The following ZC3H12B variants were observed in gnomAD, a reference collection of about 807,000 sequenced individuals.
ZC3H12B encodes the protein probable ribonuclease ZC3H12B.
A neutral mutation model predicts 43.9 loss-of-function variants in ZC3H12B; 7 were observed. The observed-to-expected ratio is 0.16, with a 90% confidence interval of 0.09 to 0.30. The LOEUF is 0.30. Ranked by LOEUF, ZC3H12B falls within the 10% of genes least tolerant of loss-of-function variation. The pLI is 1.00. For synonymous variants in ZC3H12B, 222 were observed against 241.7 expected, an observed-to-expected ratio of 0.92 and a Z score of 0.76; for missense variants, 475 against 670.2, an observed-to-expected ratio of 0.71 and a Z score of 3.22.
At chrX:65,345,753 A>G in the ZC3H12B span, among the ~76,000 whole-genome samples, 1 of 112,240 alleles carries the variant, frequency 8.9e-6, no homozygotes, top group African/African-American at 3.2e-5. Flanking sequence ...ATCTCTTAGA[A>G]CTGATAAATG....
At chrX:65,325,141 C>T in the ZC3H12B span, among the ~76,000 whole-genome samples, 1 of 110,869 alleles carries the variant, frequency 9.0e-6, no homozygotes, top group Non-Finnish European at 1.9e-5. Context: ...GCATGGAATA[C>T]CTTTTTCTAT....
At chrX:65,132,461 AAGG>A in the ZC3H12B span, among the ~76,000 whole-genome samples, 2 of 109,833 alleles carry the variant, frequency 1.8e-5, no homozygotes, top group East Asian at 5.8e-4. Context: ...GGTCGGCACT[AAGG>A]AGGGAGTAGG....
intron 3 of ZC3H12B, among the ~76,000 whole-genome samples, chrX:65,460,896 A>G (rs961058453): frequency 8.9e-6 from 1 of 111,936 alleles, no homozygotes; most frequent in African/African-American, 3.3e-5. Flanking sequence ...GCACAGCAAA[A>G]GAAGCTACCA....
At chrX:65,419,390 A>G (rs755669316) in intron 3 of ZC3H12B, among the ~76,000 whole-genome samples, 1 of 112,375 alleles carries the variant, frequency 8.9e-6, no homozygotes, top group Non-Finnish European at 1.9e-5. Context: ...GGAGAGTGAC[A>G]GTGGATTCAC....
chrX:65,320,476 G>A, the ZC3H12B span, among the ~76,000 whole-genome samples: 1 of 111,908 alleles, frequency 8.9e-6, no homozygotes, highest in Non-Finnish European at 1.9e-5. Context: ...ACTGCCAAAA[G>A]CAATTTGTGG....
At chrX:65,490,380 A>G (rs1205474184) in intron 1 of ZC3H12B, among the ~76,000 whole-genome samples, 8 of 70,097 alleles carry the variant, frequency 1.1e-4, no homozygotes, top group South Asian at 5.6e-4. Flanking sequence ...CTGTTTCAGG[A>G]AAAAAAAAAA....
At chrX:65,197,649 A>G in the ZC3H12B span, among the ~76,000 whole-genome samples, 10 of 112,278 alleles carry the variant, frequency 8.9e-5, no homozygotes, top group African/African-American at 3.2e-4. Flanking sequence ...GTCATTCCCC[A>G]AAAGTCTAGT....
the ZC3H12B span, among the ~76,000 whole-genome samples, chrX:65,298,688 A>G: frequency 8.9e-6 from 1 of 112,036 alleles, no homozygotes; most frequent in Non-Finnish European, 1.9e-5. Flanking sequence ...AAAATATGGA[A>G]ACAAACTAAG....
At chrX:65,324,779 T>G in the ZC3H12B span, among the ~76,000 whole-genome samples, 1 of 110,975 alleles carries the variant, frequency 9.0e-6, no homozygotes, top group South Asian at 3.8e-4. Context: ...TAGTCCTGCT[T>G]GATGGACTAT....
At chrX:65,313,672 A>G in the ZC3H12B span, among the ~76,000 whole-genome samples, 2 of 112,542 alleles carry the variant, frequency 1.8e-5, no homozygotes. Flanking sequence ...AACCAGGTTA[A>G]CTGCCTGCTA....
chrX:65,251,655 A>C, the ZC3H12B span, among the ~76,000 whole-genome samples: 1 of 111,612 alleles, frequency 9.0e-6, no homozygotes, highest in Non-Finnish European at 1.9e-5. Context: ...GGTCCTTCAC[A>C]TCCCTTGTAA....
At chrX:65,389,052 G>A (rs558974941) in intron 2 of ZC3H12B, among the ~76,000 whole-genome samples, 11 of 112,105 alleles carry the variant, frequency 9.8e-5, no homozygotes, top group East Asian at 8.4e-4. Flanking sequence ...CCCCTACTGG[G>A]GTGTGCCTCC....
At chrX:65,356,872 GAT>G in the ZC3H12B span, 2 of 338,555 alleles carry the variant, frequency 5.9e-6, no homozygotes, top group Admixed American at 6.9e-5. Flanking sequence ...TCGAAAGTGA[GAT>G]ACCATGTTAA....
At chrX:65,102,617 G>A in the ZC3H12B span, among the ~76,000 whole-genome samples, 1 of 111,936 alleles carries the variant, frequency 8.9e-6, no homozygotes, top group Non-Finnish European at 1.9e-5. Context: ...GCTAAATCAT[G>A]AGTGAACTCC....
chrX:65,421,464 A>G (rs1375869569), intron 3 of ZC3H12B, among the ~76,000 whole-genome samples: 2 of 112,227 alleles, frequency 1.8e-5, no homozygotes, highest in African/African-American at 3.2e-5. Context: ...ACCTGATAGC[A>G]GGTTGATTAC....
At chrX:65,260,222 T>C in the ZC3H12B span, among the ~76,000 whole-genome samples, 12 of 109,429 alleles carry the variant, frequency 1.1e-4, no homozygotes, top group African/African-American at 3.7e-4. Flanking sequence ...CCTATTGAAA[T>C]AAAAAAATTT....
chrX:65,498,613 T>C (rs183906363), intron 2 of ZC3H12B, among the ~76,000 whole-genome samples: 1 of 112,211 alleles, frequency 8.9e-6, no homozygotes, highest in East Asian at 2.8e-4. Flanking sequence ...ATGCTTTAGT[T>C]TCCTCCTGGC....
chrX:65,358,178 A>G, the ZC3H12B span, among the ~76,000 whole-genome samples: 1 of 111,623 alleles, frequency 9.0e-6, no homozygotes, highest in Non-Finnish European at 1.9e-5. Context: ...CCAATACAAG[A>G]GTACCCAGAT....
chrX:65,166,232 C>T, the ZC3H12B span, among the ~76,000 whole-genome samples: 28 of 110,540 alleles, frequency 2.5e-4, no homozygotes, highest in Non-Finnish European at 4.2e-4. Flanking sequence ...GTGTGATGTT[C>T]CCCACCCTGT....
Sources: allele counts gnomAD v4.1 joint callset (sites outside exome capture counted in the v4.1 genomes callset), GRCh38; gene constraint gnomAD v4.1.1; transcripts MANE v1.5; gene names NCBI Gene and HGNC (gene_info 2026-07-23, HGNC 2026-07-21).